The following FEZ1 variants were observed in gnomAD, a reference collection of about 807,000 sequenced individuals.
FEZ1 encodes the protein fasciculation and elongation protein zeta-1.
FEZ1 carries 20 observed loss-of-function variants against 49.3 expected under a neutral mutation model. The observed-to-expected ratio is 0.41, with a 90% confidence interval of 0.29 to 0.59. FEZ1 has a LOEUF of 0.59. FEZ1 is among the 20% of genes least tolerant of loss of function. The probability of loss-of-function intolerance (pLI) is 0.36; values close to 1 mark genes in which losing one functional copy is unlikely to be tolerated. For synonymous variants in FEZ1, 170 were observed against 180.9 expected (o/e 0.94, Z 0.48); for missense variants, 413 against 476.0 (o/e 0.87, Z 1.23).
intron 2 of FEZ1, among the ~76,000 whole-genome samples, chr11:125,484,733 C>T (rs563782255): frequency 5.2e-4 from 78 of 151,328 alleles, no homozygotes; most frequent in African/African-American, 1.8e-3. Context: ...CCCATACGTA[C>T]GATGATCCTG....
At chr11:125,469,905 T>C (rs1957168945) in intron 3 of FEZ1, among the ~76,000 whole-genome samples, 1 of 151,848 alleles carries the variant, frequency 6.6e-6, no homozygotes, top group African/African-American at 2.4e-5. Flanking sequence ...TTTTGTTTTT[T>C]GGTAGAGTTG....
Position 125,481,606 on chromosome 11 carries a change from G to A in FEZ1, c.339C>T (p.Tyr113=), listed in dbSNP as rs760224595. 2 of 1,612,228 alleles carry A rather than the reference G, an allele frequency of 1.2e-6. No individual in the cohort carries two copies. Among genetic ancestry groups the A allele is most frequent in the Non-Finnish European group, 1.7e-6 (2 of 1,178,470 alleles). ...EEVWDALTDN[Y]IPSLSEDWRD... is the part of the protein sequence containing the mutation. ...TCCAGTCTTCTGAGAGTGAAGGGAT[G>A]TAATTGTCTGTCAGAGCATCCCAAA... The change falls in exon 3 of 10, where the codon TAC becomes TAT. Residue 113 remains tyrosine (Y), a synonymous_variant. Coordinates refer to ENST00000278919, the MANE Select transcript of FEZ1 (RefSeq NM_005103.5).
chr11:125,463,195 A>T (rs1041075194), intron 4 of FEZ1: 1 of 202,096 alleles, frequency 4.9e-6, no homozygotes, highest in Non-Finnish European at 9.9e-6. Flanking sequence ...AGTCCCAGCT[A>T]CTCGGGAGGC....
At chr11:125,484,571 G>A (rs12288656) in intron 2 of FEZ1, among the ~76,000 whole-genome samples, 1 of 151,842 alleles carries the variant, frequency 6.6e-6, no homozygotes, top group Non-Finnish European at 1.5e-5. Flanking sequence ...GGGAGGCTGA[G>A]GCAGGAGAAT....
At chr11:125,475,683 T>A (rs1244534544) in intron 3 of FEZ1, among the ~76,000 whole-genome samples, 1 of 151,890 alleles carries the variant, frequency 6.6e-6, no homozygotes, top group Non-Finnish European at 1.5e-5. Context: ...CAAACCCCCA[T>A]GACACAATTT....
chr11:125,482,937 C>T (rs1591599533), intron 2 of FEZ1, among the ~76,000 whole-genome samples: 1 of 121,136 alleles, frequency 8.3e-6, no homozygotes, highest in East Asian at 2.8e-4. Flanking sequence ...ATGATTGTGT[C>T]ACTGCTCTCC....
At chr11:125,447,104 C>T (rs1956905857) in intron 9 of FEZ1, among the ~76,000 whole-genome samples, 2 of 152,202 alleles carry the variant, frequency 1.3e-5, no homozygotes, top group African/African-American at 4.8e-5. Context: ...GGACTATTAA[C>T]ATCACAAAAG....
At position 125,455,888 on chromosome 11, in the gene FEZ1, C is replaced by T; in HGVS notation, c.886G>A (p.Gly296Arg). 6.2e-7 allele frequency: 1 copy of T among 1,613,882 alleles called. No individual in the cohort carries two copies. Among genetic ancestry groups the T allele is most frequent in the Non-Finnish European group, 8.5e-7 (1 of 1,180,008 alleles). Residue 296 changes from glycine (G) to arginine (R), a missense_variant, in exon 6 of 10, where the codon GGG (glycine) becomes AGG (arginine). Coordinates refer to ENST00000278919, the MANE Select transcript of FEZ1 (RefSeq NM_005103.5). ...ELMKKRRKEK[G>R]LSLQSSRIEK... ...ATCCGGCTGCTCTGCAGGCTCAGCC[C>T]TTTCTCTTTCCGCCTCTTTTTCATC...
chr11:125,455,844 CATCTGGT>C lies in FEZ1; in HGVS notation c.923_929del (p.Asn308SerfsTer33). Reference sequence around the variant, plus strand: ...CTGGTTGTTCACCTACCTTGAGAGGCATCTGGTTTCCCTTCTCTATCCGGCTGCTCTG... The same window carrying C: ...CTGGTTGTTCACCTACCTTGAGAGGCTTCCCTTCTCTATCCGGCTGCTCTG... On this transcript the variant is annotated frameshift_variant, in exon 6 of 10. Coordinates refer to ENST00000278919, the MANE Select transcript of FEZ1 (RefSeq NM_005103.5). LOFTEE classifies it high-confidence loss of function. 1.2e-6 allele frequency: 2 copies of C among 1,614,062 alleles called. No individual in the cohort carries two copies. The highest frequency in any genetic ancestry group is 1.7e-6 in the Non-Finnish European group (2 of 1,180,008).
intron 2 of FEZ1, among the ~76,000 whole-genome samples, chr11:125,484,677 A>C (rs1022765669): frequency 1.3e-4 from 20 of 152,072 alleles, no homozygotes; most frequent in African/African-American, 4.6e-4. Context: ...TCAAAAAAAA[A>C]AAAGAAGAAA....
At position 125,489,892 on chromosome 11, in the gene FEZ1, A is replaced by AT; in HGVS notation, c.-45-71_-45-70insA. 7.6e-7 allele frequency: 1 copy of AT among 1,311,880 alleles called. No individual in the cohort carries two copies. The allele number at this position is 1,311,880 out of a possible 1,614,324, so 81.3% of individuals were successfully genotyped here. Reference sequence around the variant, plus strand: ...CTAAATAATAGAGTTAACTTTAGAGACACACCTGCTTCCAATTCCCTACTC... The same window carrying AT: ...CTAAATAATAGAGTTAACTTTAGAGATCACACCTGCTTCCAATTCCCTACTC... On this transcript the variant is annotated intron_variant, in intron 1 of 9. Transcript: ENST00000278919. The surrounding 1 kb of genome is among the most constrained non-coding windows in gnomAD (Gnocchi z 4.2).
At chr11:125,482,666 T>A (rs1236671454) in intron 2 of FEZ1, among the ~76,000 whole-genome samples, 1 of 152,074 alleles carries the variant, frequency 6.6e-6, no homozygotes, top group Non-Finnish European at 1.5e-5. Context: ...CAATGGCACC[T>A]GAATTAATAT....
chr11:125,489,175 A>G lies in FEZ1; in HGVS notation c.311+292T>C. On this transcript the variant is annotated intron_variant, in intron 2 of 9. Transcript: ENST00000278919. The surrounding 1 kb of genome is among the most constrained non-coding windows in gnomAD (Gnocchi z 4.2). ...TCTCGCTGGATTTCCACTGATATAA[A>G]GAAAGCTTAAGATAGACAGACCCTG... 9.3e-7 allele frequency: 1 copy of G among 1,074,236 alleles called. No homozygotes were observed. The allele number at this position is 1,074,236 out of a possible 1,614,324, so 66.5% of individuals were successfully genotyped here. A position where few individuals can be genotyped will look rare whatever the true frequency, so the allele number is the denominator to read the frequency against.
intron 2 of FEZ1, among the ~76,000 whole-genome samples, chr11:125,482,025 AAG>A (rs1012576179): frequency 1.3e-5 from 2 of 151,090 alleles, no homozygotes; most frequent in Non-Finnish European, 1.5e-5. Flanking sequence ...GAGAGAGAGA[AAG>A]AGAGAGAGAG....
chr11:125,461,254 T>C (rs12789687), intron 4 of FEZ1, among the ~76,000 whole-genome samples: 52,307 of 152,052 alleles, frequency 0.34, 9,218 homozygotes, highest in South Asian at 0.5. Flanking sequence ...ATCTAGACTA[T>C]TGACAGGAGC....
Position 125,456,007 on chromosome 11 carries a change from C to T in FEZ1, c.767G>A (p.Arg256His), listed in dbSNP as rs199780980. The T allele has an allele frequency of 1.3e-4, 206 of 1,613,212 alleles. No individual in the cohort carries two copies. Among genetic ancestry groups the T allele is most frequent in the Middle Eastern group, 1.6e-4 (1 of 6,082 alleles). ...CTTCTCAAACTCCAGCTCGTCCCGGCGGGCCAGCTGCTGCACCAGCTCCTC... is the reference window on the plus strand; with the variant it reads ...CTTCTCAAACTCCAGCTCGTCCCGGTGGGCCAGCTGCTGCACCAGCTCCTC... The part of the protein sequence containing the change: ...FSEELVQQLA[R>H]RDELEFEKEV... The change falls in exon 6 of 10, where the codon CGC (arginine) becomes CAC (histidine). Residue 256 changes from arginine to histidine, a missense_variant. Transcript: ENST00000278919.
At chr11:125,481,003 C>A (rs896120868) in intron 3 of FEZ1, among the ~76,000 whole-genome samples, 1 of 150,984 alleles carries the variant, frequency 6.6e-6, no homozygotes, top group Non-Finnish European at 1.5e-5. Context: ...CGTGCCACTG[C>A]ACTCCAGCCT....
rs1956871885 is a variant in FEZ1, at chr11:125,443,443, G to T, written c.*2652C>A. ...CTAGGGCAGAGTTTCTCTAATCCTT[G>T]ATGCAAATACAAGTTGCAGGGAGAT... On this transcript the variant is annotated 3_prime_UTR_variant, in exon 10 of 10. Coordinates refer to ENST00000278919, the MANE Select transcript of FEZ1 (RefSeq NM_005103.5). Among the ~76,000 whole-genome samples, 1 of 152,208 alleles carries T rather than the reference G, an allele frequency of 6.6e-6. No homozygotes were observed. Among genetic ancestry groups the T allele is most frequent in the Admixed American group, 6.5e-5 (1 of 15,286 alleles).
intron 3 of FEZ1, among the ~76,000 whole-genome samples, chr11:125,464,038 T>G (rs1360948148): frequency 6.6e-6 from 1 of 152,190 alleles, no homozygotes; most frequent in Non-Finnish European, 1.5e-5. Context: ...GTCCAAATAA[T>G]GATGACTTTC....
Sources: gnomAD v4.1 joint callset for allele counts (sites outside exome capture counted in the v4.1 genomes callset) on GRCh38, gnomAD v4.1.1 for gene constraint, Gnocchi (gnomAD v3.1) non-coding constraint, MANE v1.5 for transcripts, NCBI Gene and HGNC (gene_info 2026-07-23, HGNC 2026-07-21) for gene names.